The following NPHP4 variants were observed in gnomAD, a reference collection of about 807,000 sequenced individuals.
NPHP4 encodes the protein nephrocystin-4.
In NPHP4, 151 loss-of-function variants were observed where a neutral mutation model predicts 155.8. That is an observed-to-expected ratio of 0.97 (90% CI 0.85 to 1.11). NPHP4 has a LOEUF of 1.11. Ranked by LOEUF, NPHP4 falls within the 50% of genes least tolerant of loss-of-function variation. NPHP4 has a pLI of 0.00. For missense variants in NPHP4, 1,956 were observed against 1,925.7 expected, an observed-to-expected ratio of 1.02 and a Z score of -0.29; for synonymous variants, 845 against 816.8, an observed-to-expected ratio of 1.03 and a Z score of -0.59.
At chr1:5,952,262 G>A (rs1570606542) in intron 7 of NPHP4, among the ~76,000 whole-genome samples, 1 of 152,216 alleles carries the variant, frequency 6.6e-6, no homozygotes, top group Non-Finnish European at 1.5e-5. Flanking sequence ...CCCCGCCGAC[G>A]TCCTCTGAAC....
intron 15 of NPHP4, 66 bp from the exon 16 acceptor site, chr1:5,904,870 G>A: frequency 4.7e-6 from 7 of 1,494,500 alleles, no homozygotes; most frequent in Non-Finnish European, 5.6e-6. Flanking sequence ...GGTCTAATGT[G>A]TGTTTGCATA....
intron 10 of NPHP4, among the ~76,000 whole-genome samples, chr1:5,930,338 T>G (rs1254560365): frequency 1.3e-5 from 2 of 152,162 alleles, no homozygotes; most frequent in Non-Finnish European, 2.9e-5. Flanking sequence ...CTGAATAGCT[T>G]TGGGTTTATT....
intron 11 of NPHP4, among the ~76,000 whole-genome samples, chr1:5,921,581 A>C (rs1287562947): frequency 6.6e-6 from 1 of 152,180 alleles, no homozygotes. Context: ...AATACTGAGC[A>C]TGTTTTCATT....
chr1:5,879,049 C>T (rs887641247), intron 19 of NPHP4, among the ~76,000 whole-genome samples: 7 of 152,202 alleles, frequency 4.6e-5, no homozygotes, highest in Admixed American at 6.5e-5. Context: ...TCATGAATCC[C>T]TTTGAGCCCC....
intron 10 of NPHP4, among the ~76,000 whole-genome samples, chr1:5,931,949 C>A (rs1416196735): frequency 2.0e-5 from 3 of 152,004 alleles, no homozygotes; most frequent in Non-Finnish European, 4.4e-5. Flanking sequence ...TGGCACATGC[C>A]TGTAGTCCTA....
rs114427593 is a variant in NPHP4, at chr1:5,972,004, G to A, written c.280-2745C>T. 7.2e-3 allele frequency among the ~76,000 whole-genome samples: 1,092 copies of A among 152,262 alleles called. 9 individuals are homozygous for A. Among genetic ancestry groups the A allele is most frequent in the African/African-American group, 0.024 (1,017 of 41,542 alleles). On this transcript the variant is annotated intron_variant, in intron 3 of 29. Coordinates refer to ENST00000378156, the MANE Select transcript of NPHP4 (RefSeq NM_015102.5). ...AAAAACACGGACACCATTTTGCCTC[G>A]GGGCCCAGTTTCCATTTTTCACCCG... is the stretch of plus-strand genomic sequence containing the variant.
Position 5,870,778 on chromosome 1 carries a change from TA to T in NPHP4, c.3315+2473del, listed in dbSNP as rs142492048. ...CTGTGGAGGTCCTGCCCCAAGTGCA[TA>T]ACCTGGGTCTAACTGAAACGAACAC... is the stretch of plus-strand genomic sequence containing the variant. On this transcript the variant is annotated intron_variant, in intron 23 of 29. Transcript: ENST00000378156. Among the ~76,000 whole-genome samples the T allele has an allele frequency of 5.8e-3, 890 of 152,292 alleles. 4 individuals carry two copies. The highest frequency in any genetic ancestry group is 0.021 in the African/African-American group (855 of 41,562).
In NPHP4 at chr1:5,904,684, G is replaced by A; in HGVS notation, c.2076C>T (p.Gly692=). The A allele has an allele frequency of 6.2e-7, 1 of 1,614,020 alleles. No individual in the cohort carries two copies. Among genetic ancestry groups the A allele is most frequent in the Non-Finnish European group, 8.5e-7 (1 of 1,179,898 alleles). ...RLQLVQLDEA[G]QPSSGALTHI... ...GGGTCAGGGCGCCAGAGCTGGGCTGGCCGGCCTCATCCAGCTGGACCAGCT... is the reference window on the plus strand; with the variant it reads ...GGGTCAGGGCGCCAGAGCTGGGCTGACCGGCCTCATCCAGCTGGACCAGCT... Residue 692 remains glycine (G), a synonymous_variant, in exon 16 of 30, where the codon GGC becomes GGT. Transcript: ENST00000378156.
In NPHP4 at chr1:5,882,450, C is replaced by T; in HGVS notation, c.2486-2211G>A. The T allele has an allele frequency of 6.5e-6, 1 of 153,312 alleles. No individual in the cohort carries two copies. The highest frequency in any genetic ancestry group is 1.9e-4 in the East Asian group (1 of 5,190). The allele number at this position is 153,312 out of a possible 1,614,324, so 9.5% of individuals were successfully genotyped here. Reference sequence around the variant, plus strand: ...GCCAATGTCCCAGTAGCTGACACCCCCCGCCTCTTGTTCTTTCTCCTTGAC... The same window carrying T: ...GCCAATGTCCCAGTAGCTGACACCCTCCGCCTCTTGTTCTTTCTCCTTGAC... On this transcript the variant is annotated intron_variant, in intron 18 of 29. Transcript: ENST00000378156. The surrounding 1 kb of genome is among the most constrained non-coding windows in gnomAD (Gnocchi z 5.1).
chr1:5,899,052 GCGCTGT>G (rs1170132184), intron 16 of NPHP4, among the ~76,000 whole-genome samples: 1 of 152,192 alleles, frequency 6.6e-6, no homozygotes. Context: ...CGAGGACATG[GCGCTGT>G]CTGGGCTGCC....
Position 5,889,360 on chromosome 1 carries a change from GT to G in NPHP4, c.2304+1507del, listed in dbSNP as rs1431872896. Among the ~76,000 whole-genome samples the G allele has an allele frequency of 6.6e-6, 1 of 152,166 alleles. No homozygotes were observed. Among genetic ancestry groups the G allele is most frequent in the African/African-American group, 2.4e-5 (1 of 41,420 alleles). On this transcript the variant is annotated intron_variant, in intron 17 of 29. Transcript: ENST00000378156. This position sits in a 1 kb window ranked among gnomAD's most constrained non-coding sequence, Gnocchi z 4.2. ...CTCTCTGATCATCTCAGTTTTTCAC[GT>G]TTTCTACCTAAGTTTTAAAGTTACA...
intron 1 of NPHP4, among the ~76,000 whole-genome samples, chr1:5,991,933 GGGC>G: frequency 6.8e-6 from 1 of 147,086 alleles, no homozygotes. Context: ...AGGGGGCAGG[GGGC>G]AGGGGGCAGG....
At chr1:5,973,244 G>A (rs1288065766) in intron 3 of NPHP4, among the ~76,000 whole-genome samples, 1 of 152,194 alleles carries the variant, frequency 6.6e-6, no homozygotes, top group Non-Finnish European at 1.5e-5. Context: ...GCACTTGTCT[G>A]AAGTCCCACT....
intron 29 of NPHP4, 97 bp from the exon 30 acceptor site, chr1:5,863,502 G>A: frequency 2.7e-6 from 4 of 1,472,532 alleles, no homozygotes; most frequent in Non-Finnish European, 3.7e-6. Context: ...TCCAAGGGGA[G>A]CTGACAAGGC....
intron 17 of NPHP4, chr1:5,888,483 G>C: frequency 8.0e-7 from 1 of 1,249,460 alleles, no homozygotes; most frequent in Non-Finnish European, 1.0e-6. Context: ...TGTGGGTCTG[G>C]GGGCTTCCGG....
rs200939283 is a variant in NPHP4, at chr1:5,987,765, G to A, written c.-38-1438C>T. 3.9e-5 allele frequency among the ~76,000 whole-genome samples: 6 copies of A among 152,258 alleles called. No homozygotes were observed. The East Asian group carries it at 1.2e-3, about 29-fold the overall frequency. On this transcript the variant is annotated intron_variant, in intron 1 of 29. Coordinates refer to ENST00000378156, the MANE Select transcript of NPHP4 (RefSeq NM_015102.5). Reference sequence around the variant, plus strand: ...GACTGGGCTGCATGCTGAACACACCGCTTTTATTATTCAACACCATTTTCA... The same window carrying A: ...GACTGGGCTGCATGCTGAACACACCACTTTTATTATTCAACACCATTTTCA...
chr1:5,968,832 G>T (rs968185798), intron 4 of NPHP4, among the ~76,000 whole-genome samples: 3 of 151,974 alleles, frequency 2.0e-5, no homozygotes, highest in African/African-American at 7.3e-5. Flanking sequence ...TCAGGAGTTC[G>T]AGACTAGCCT....
chr1:5,873,361 G>A, intron 22 of NPHP4, 26 bp from the exon 23 acceptor site: 1 of 1,599,676 alleles, frequency 6.3e-7, no homozygotes, highest in Non-Finnish European at 8.6e-7. Flanking sequence ...AGCACAAGCA[G>A]GTCAGGAAGC....
intron 23 of NPHP4, chr1:5,868,141 C>A (rs1304530963): frequency 8.9e-5 from 57 of 641,980 alleles, no homozygotes; most frequent in Non-Finnish European, 1.4e-4. Context: ...AGCAGCCACA[C>A]TGCCATTATT....
Sources: gnomAD v4.1 joint callset for allele counts (sites outside exome capture counted in the v4.1 genomes callset) on GRCh38, gnomAD v4.1.1 for gene constraint, Gnocchi (gnomAD v3.1) non-coding constraint, MANE v1.5 for transcripts, NCBI Gene and HGNC (gene_info 2026-07-23, HGNC 2026-07-21) for gene names.